TTC33: variants seen among roughly 807,000 people sequenced by gnomAD.
TTC33 encodes the protein tetratricopeptide repeat domain 33.
A neutral mutation model predicts 29.4 loss-of-function variants in TTC33; 24 were observed. The observed-to-expected ratio is 0.82, with a 90% CI of 0.59 to 1.15. The LOEUF (loss-of-function observed/expected upper bound fraction) is 1.15. Among genes scored for constraint, TTC33 ranks in the 50% most tolerant of loss-of-function variants. The pLI is 0.00. For synonymous variants in TTC33, 107 were observed against 100.3 expected (o/e 1.07, Z -0.40); for missense variants, 286 against 310.4 (o/e 0.92, Z 0.59).
intron 2 of TTC33, among the ~76,000 whole-genome samples, chr5:40,732,996 G>C (rs1196356374): frequency 6.6e-6 from 1 of 151,980 alleles, no homozygotes; most frequent in East Asian, 1.9e-4. Flanking sequence ...AAGAAAAGAG[G>C]GGACAGATGT....
intron 2 of TTC33, among the ~76,000 whole-genome samples, chr5:40,745,594 A>C (rs1267228187): frequency 6.6e-6 from 1 of 151,724 alleles, no homozygotes; most frequent in Non-Finnish European, 1.5e-5. Context: ...GCAGAGTCAC[A>C]CCTCATCGTA....
intron 1 of TTC33, among the ~76,000 whole-genome samples, chr5:40,747,451 C>T (rs565408567): frequency 6.6e-6 from 1 of 152,252 alleles, no homozygotes; most frequent in East Asian, 1.9e-4. Flanking sequence ...TAATTAGTGG[C>T]TGTAGGCAAT....
At position 40,715,590 on chromosome 5, in the gene TTC33, G is replaced by A. The variant is rs1751298550; in HGVS notation, c.*555C>T. On this transcript the variant is annotated 3_prime_UTR_variant, in exon 5 of 5. Transcript: ENST00000337702. ...AGAAACTTCAGAAAATGTTCAGAAT[G>A]TACACATTTGTGTGCATTTTCAGCC... is the stretch of plus-strand genomic sequence containing the variant. 6.6e-6 allele frequency: 1 copy of A among 152,306 alleles called. No homozygotes were observed. The highest frequency in any genetic ancestry group is 2.4e-5 in the African/African-American group (1 of 41,440). The allele number at this position is 152,306 out of a possible 1,614,324, so 9.4% of individuals were successfully genotyped here.
At chr5:40,738,494 CAA>C (rs1742609972) in intron 2 of TTC33, among the ~76,000 whole-genome samples, 1 of 87,750 alleles carries the variant, frequency 1.1e-5, no homozygotes, top group East Asian at 4.4e-4. Flanking sequence ...CAATACAATA[CAA>C]TACAATACAA....
chr5:40,714,885 T>A lies in TTC33; in HGVS notation c.*1260A>T, dbSNP rs541208806. ...AACAAAGATAAAATTAATACACCAA[T>A]AGTATCTTCCTGAGTGTCAGAAGTA... On this transcript the variant is annotated 3_prime_UTR_variant, in exon 5 of 5. Transcript: ENST00000337702. 1.1e-3 allele frequency: 173 copies of A among 152,330 alleles called. 1 individual carries two copies. Among genetic ancestry groups the A allele is most frequent in the African/African-American group, 4.0e-3 (168 of 41,572 alleles). The allele number at this position is 152,330 out of a possible 1,614,324, so 9.4% of individuals were successfully genotyped here.
rs150442234 is a variant in TTC33 at position 40,723,783 on chromosome 5, C to T, written c.435+4562G>A. Among the ~76,000 whole-genome samples the T allele has an allele frequency of 8.5e-4, 129 of 151,786 alleles. 1 individual carries two copies. The East Asian group carries it at 0.021, about 25-fold the overall frequency. On this transcript the variant is annotated intron_variant, in intron 4 of 4. Transcript: ENST00000337702. ...GGGAGGCTGAGGCAGGAGAATCACT[C>T]GAACCCGGGAGGCAGAGGTTACAGT... is the stretch of plus-strand genomic sequence containing the variant.
intron 4 of TTC33, among the ~76,000 whole-genome samples, chr5:40,721,279 G>A (rs1444296616): frequency 6.6e-6 from 1 of 152,146 alleles, no homozygotes; most frequent in African/African-American, 2.4e-5. Context: ...CCTGAGCTGG[G>A]CACAAAGTAA....
chr5:40,739,628 C>T (rs1742651478), intron 2 of TTC33, among the ~76,000 whole-genome samples: 2 of 152,200 alleles, frequency 1.3e-5, no homozygotes, highest in Admixed American at 1.3e-4. Context: ...CTACCTTTGC[C>T]TTCTGCTATG....
chr5:40,721,563 A>T (rs956944411), intron 4 of TTC33, among the ~76,000 whole-genome samples: 1 of 152,158 alleles, frequency 6.6e-6, no homozygotes, highest in African/African-American at 2.4e-5. Context: ...CGTGCAAAAG[A>T]ATGAAAATGG....
intron 2 of TTC33, among the ~76,000 whole-genome samples, chr5:40,740,279 T>C (rs745343675): frequency 1.8e-4 from 28 of 151,722 alleles, no homozygotes; most frequent in Non-Finnish European, 3.5e-4. Context: ...TTCTATCTAG[T>C]ATGATTTTCC....
At chr5:40,732,463 T>C (rs753456519) in intron 2 of TTC33, among the ~76,000 whole-genome samples, 1 of 151,682 alleles carries the variant, frequency 6.6e-6, no homozygotes, top group Non-Finnish European at 1.5e-5. Flanking sequence ...CTATATCAAG[T>C]ATGCCTCCCA....
chr5:40,737,539 T>C (rs1026737482), intron 2 of TTC33, among the ~76,000 whole-genome samples: 1 of 152,246 alleles, frequency 6.6e-6, no homozygotes, highest in African/African-American at 2.4e-5. Flanking sequence ...AGAATTATTT[T>C]ACATTTGACA....
At chr5:40,732,919 A>G (rs1298747956) in intron 2 of TTC33, among the ~76,000 whole-genome samples, 2 of 152,068 alleles carry the variant, frequency 1.3e-5, no homozygotes, top group Non-Finnish European at 2.9e-5. Context: ...AATATAACAG[A>G]TTCTATCTAC....
Position 40,714,619 on chromosome 5 carries a change from A to C in TTC33, c.*1526T>G, listed in dbSNP as rs1741963062. 1 of 152,174 alleles carries C rather than the reference A, an allele frequency of 6.6e-6. No homozygotes were observed. Among genetic ancestry groups the C allele is most frequent in the Non-Finnish European group, 1.5e-5 (1 of 67,988 alleles). 9.4% of individuals were successfully genotyped at this position (152,174 alleles called of 1,614,324 possible). A position where few individuals can be genotyped will look rare whatever the true frequency, so the allele number is the denominator to read the frequency against. ...CTTTATTAAACAAAATAAAATAATTAACATATTTTTTGGAGCACTCTGAAA... is the reference window on the plus strand; with the variant it reads ...CTTTATTAAACAAAATAAAATAATTCACATATTTTTTGGAGCACTCTGAAA... On this transcript the variant is annotated 3_prime_UTR_variant, in exon 5 of 5. Transcript: ENST00000337702.
intron 4 of TTC33, among the ~76,000 whole-genome samples, chr5:40,725,146 C>T (rs918542067): frequency 2.0e-5 from 3 of 150,984 alleles, no homozygotes; most frequent in Non-Finnish European, 4.4e-5. Context: ...CCATGCCCAG[C>T]CAAATTTTTT....
intron 1 of TTC33, among the ~76,000 whole-genome samples, chr5:40,749,442 CAG>C (rs1460471536): frequency 6.6e-6 from 1 of 151,730 alleles, no homozygotes; most frequent in African/African-American, 2.4e-5. Context: ...ACTAGAGAAA[CAG>C]AGAAAAAAAG....
At chr5:40,741,615 C>T (rs1336368490) in intron 2 of TTC33, among the ~76,000 whole-genome samples, 2 of 152,194 alleles carry the variant, frequency 1.3e-5, no homozygotes, top group African/African-American at 4.8e-5. Context: ...TCTCCATCTC[C>T]TCACGCAGCA....
chr5:40,718,899 AAAAT>A (rs144219327), intron 4 of TTC33, among the ~76,000 whole-genome samples: 2 of 152,122 alleles, frequency 1.3e-5, no homozygotes, highest in African/African-American at 2.4e-5. Flanking sequence ...AGACTGTCTC[AAAAT>A]AAATAAATAA....
intron 4 of TTC33, 119 bp from the exon 5 acceptor site, chr5:40,716,617 T>C: frequency 1.5e-6 from 1 of 675,784 alleles, no homozygotes; most frequent in Admixed American, 3.0e-5. Flanking sequence ...ATTATCTTAA[T>C]GTACTAGAAC....
Sources: gnomAD v4.1 joint callset for allele counts (sites outside exome capture counted in the v4.1 genomes callset) on GRCh38, gnomAD v4.1.1 for gene constraint, MANE v1.5 for transcripts, NCBI Gene and HGNC (gene_info 2026-07-23, HGNC 2026-07-21) for gene names.